CAMTA1: variants seen among roughly 807,000 people sequenced by gnomAD.
CAMTA1 encodes calmodulin binding transcription activator 1.
CAMTA1 carries 27 observed loss-of-function variants against 170.9 expected under a neutral mutation model. The observed-to-expected ratio is 0.16, with a 90% confidence interval of 0.12 to 0.22. The LOEUF (loss-of-function observed/expected upper bound fraction) is 0.22, where lower values mean the gene tolerates loss of function less well. CAMTA1 is among the 10% of genes least tolerant of loss of function. The probability of loss-of-function intolerance (pLI) is 1.00; values close to 1 mark genes in which losing one functional copy is unlikely to be tolerated. For synonymous variants in CAMTA1, 833 were observed against 891.5 expected (o/e 0.93, Z 1.17); for missense variants, 1,619 against 2,217.2 (o/e 0.73, Z 5.42).
intron 5 of CAMTA1, among the ~76,000 whole-genome samples, chr1:7,265,405 C>T (rs1411587453): frequency 1.3e-5 from 2 of 152,136 alleles, no homozygotes; most frequent in Non-Finnish European, 2.9e-5. Context: ...CCTCTGCTTC[C>T]CGGGTTCAAG....
At chr1:7,691,305 G>C in intron 11 of CAMTA1, among the ~76,000 whole-genome samples, 1 of 152,212 alleles carries the variant, frequency 6.6e-6, no homozygotes, top group Admixed American at 6.5e-5. Flanking sequence ...GGCAGGCAGT[G>C]AATCAGGCCA....
chr1:7,472,204 G>A (rs1441411718), intron 6 of CAMTA1, among the ~76,000 whole-genome samples: 2 of 152,172 alleles, frequency 1.3e-5, no homozygotes, highest in East Asian at 1.9e-4. Flanking sequence ...GCGGGGAGAC[G>A]AGGACCCTGG....
chr1:7,403,516 C>G (rs1047287226), intron 5 of CAMTA1, among the ~76,000 whole-genome samples: 7 of 152,094 alleles, frequency 4.6e-5, no homozygotes, highest in Non-Finnish European at 1.0e-4. Flanking sequence ...GAAGATGTAA[C>G]ACTAGGCTTT....
At chr1:7,375,989 G>A (rs1019433007) in intron 5 of CAMTA1, among the ~76,000 whole-genome samples, 1 of 152,294 alleles carries the variant, frequency 6.6e-6, no homozygotes, top group Non-Finnish European at 1.5e-5. Context: ...GGCCTACCAA[G>A]GGGTCTCCCA....
intron 3 of CAMTA1, among the ~76,000 whole-genome samples, chr1:7,033,902 T>G (rs1295609651): frequency 2.0e-5 from 2 of 97,634 alleles, no homozygotes; most frequent in African/African-American, 6.6e-5. Context: ...CCTATTCTTA[T>G]AAATATTCTT....
intron 5 of CAMTA1, among the ~76,000 whole-genome samples, chr1:7,323,585 C>T (rs1315798412): frequency 1.4e-5 from 2 of 141,368 alleles, no homozygotes; most frequent in East Asian, 2.2e-4. Flanking sequence ...TGTAGTGGCA[C>T]GATCTCCGCT....
chr1:6,912,897 G>C (rs542934739), intron 3 of CAMTA1, among the ~76,000 whole-genome samples: 29 of 152,340 alleles, frequency 1.9e-4, no homozygotes, highest in African/African-American at 6.7e-4. Context: ...TTGGGCACCA[G>C]GAGGTTGTGT....
chr1:6,791,691 A>G (rs969839644), intron 1 of CAMTA1, among the ~76,000 whole-genome samples: 3 of 152,208 alleles, frequency 2.0e-5, no homozygotes, highest in African/African-American at 7.2e-5. Flanking sequence ...TTGCTCTGCT[A>G]CTTTGTCTGT....
rs57974542 is a variant in CAMTA1 at position 7,087,843 on chromosome 1, C to T, written c.235-3461C>T. Reference sequence around the variant, plus strand: ...ACAGATGGTGAAGTCCTTCTCCCCACAATCACTCTGAATTTGGATGGCTTT... The same window carrying T: ...ACAGATGGTGAAGTCCTTCTCCCCATAATCACTCTGAATTTGGATGGCTTT... On this transcript the variant is annotated intron_variant, in intron 3 of 22. Coordinates refer to ENST00000303635, the MANE Select transcript of CAMTA1 (RefSeq NM_015215.4). Among the ~76,000 whole-genome samples, 1,074 of 152,364 alleles carry T rather than the reference C, an allele frequency of 7.0e-3. 11 individuals are homozygous for T. The highest frequency in any genetic ancestry group is 0.025 in the African/African-American group (1,027 of 41,594).
At chr1:6,836,351 T>G (rs989390430) in intron 3 of CAMTA1, among the ~76,000 whole-genome samples, 2 of 151,862 alleles carry the variant, frequency 1.3e-5, no homozygotes, top group African/African-American at 2.4e-5. Context: ...TTTGGGAGAG[T>G]GTTTTCTCTG....
intron 4 of CAMTA1, among the ~76,000 whole-genome samples, chr1:7,151,758 C>G (rs186562624): frequency 1.1e-4 from 17 of 152,284 alleles, no homozygotes; most frequent in African/African-American, 3.8e-4. Flanking sequence ...ATTGGGAGGC[C>G]CTGGAGGGAG....
At chr1:7,573,689 G>C (rs183041802) in intron 6 of CAMTA1, among the ~76,000 whole-genome samples, 179 of 152,314 alleles carry the variant, frequency 1.2e-3, no homozygotes, top group South Asian at 8.9e-3. Flanking sequence ...CCTTCTCCCT[G>C]GGTGCCTCTA....
chr1:7,367,016 C>G (rs1233223739), intron 5 of CAMTA1, among the ~76,000 whole-genome samples: 1 of 152,100 alleles, frequency 6.6e-6, no homozygotes, highest in Non-Finnish European at 1.5e-5. Flanking sequence ...CCTCTCTGTG[C>G]CATTCTTTCC....
intron 4 of CAMTA1, among the ~76,000 whole-genome samples, chr1:7,187,701 C>T (rs1428288003): frequency 1.3e-5 from 2 of 152,232 alleles, no homozygotes; most frequent in Non-Finnish European, 1.5e-5. Context: ...TACTTCCTGG[C>T]ACCAACCTTC....
intron 5 of CAMTA1, among the ~76,000 whole-genome samples, chr1:7,353,177 T>C (rs1430055604): frequency 6.6e-6 from 1 of 152,178 alleles, no homozygotes; most frequent in Non-Finnish European, 1.5e-5. Context: ...GAGATCATAA[T>C]TGCACAATAA....
Position 7,561,276 on chromosome 1 carries a change from G to C in CAMTA1, c.511-79124G>C, listed in dbSNP as rs1370583632. Among the ~76,000 whole-genome samples, 1 of 151,790 alleles carries C rather than the reference G, an allele frequency of 6.6e-6. No individual in the cohort carries two copies. Among genetic ancestry groups the C allele is most frequent in the Non-Finnish European group, 1.5e-5 (1 of 67,904 alleles). On this transcript the variant is annotated intron_variant, in intron 6 of 22. Coordinates refer to ENST00000303635, the MANE Select transcript of CAMTA1 (RefSeq NM_015215.4). This position sits in a 1 kb window ranked among gnomAD's most constrained non-coding sequence, Gnocchi z 5.3. ...GATCATCCCAGCCCCTCTACCATCT[G>C]CTCAGCTACCAAGGCTGAGGTTGGT...
chr1:7,354,249 C>T (rs1020033961), intron 5 of CAMTA1, among the ~76,000 whole-genome samples: 2 of 151,636 alleles, frequency 1.3e-5, no homozygotes, highest in Non-Finnish European at 2.9e-5. Context: ...CCTGGGTTCA[C>T]GCCATTCTCC....
rs1011127309 is a variant in CAMTA1 at position 7,680,093 on chromosome 1, C to G, written c.2914+2360C>G. The stretch of plus-strand genomic sequence containing the variant: ...AGGGGAGGGGAAGCAGCGCCGCAGT[C>G]GCAGCGCAAAGGGGGCCGCGGGAAC... On this transcript the variant is annotated intron_variant, in intron 11 of 22. Coordinates refer to ENST00000303635, the MANE Select transcript of CAMTA1 (RefSeq NM_015215.4). The surrounding 1 kb of genome is among the most constrained non-coding windows in gnomAD (Gnocchi z 4.4). 6.0e-6 allele frequency: 1 copy of G among 166,848 alleles called. No homozygotes were observed. Among genetic ancestry groups the G allele is most frequent in the Non-Finnish European group, 1.3e-5 (1 of 75,156 alleles). The allele number at this position is 166,848 out of a possible 1,614,324, so 10.3% of individuals were successfully genotyped here.
At chr1:7,287,248 G>C (rs188691232) in intron 5 of CAMTA1, among the ~76,000 whole-genome samples, 1 of 152,272 alleles carries the variant, frequency 6.6e-6, no homozygotes, top group African/African-American at 2.4e-5. Flanking sequence ...GCCCAAGGGC[G>C]CCCCTGTGTT....
Sources: allele counts gnomAD v4.1 joint callset (sites outside exome capture counted in the v4.1 genomes callset), GRCh38; gene constraint gnomAD v4.1.1; non-coding constraint Gnocchi (gnomAD v3.1); transcripts MANE v1.5; gene names NCBI Gene and HGNC (gene_info 2026-07-23, HGNC 2026-07-21).